TNC: variants seen among roughly 807,000 people sequenced by gnomAD.
The protein encoded by TNC is tenascin C.
Under a neutral mutation model 202.4 loss-of-function variants are expected in TNC, and 109 were observed. The ratio of observed to expected loss-of-function variants is 0.54; its 90% CI spans 0.46 to 0.63. The LOEUF (loss-of-function observed/expected upper bound fraction) is 0.63. Among genes scored for constraint, TNC ranks in the 30% least tolerant of loss-of-function variants. TNC has a pLI of 0.00. For synonymous variants in TNC, 1,007 were observed against 1,089.7 expected (o/e 0.92, Z 1.50); for missense variants, 2,756 against 2,833.3 (o/e 0.97, Z 0.62).
chr9:115,043,825 A>G (rs1043636333), intron 17 of TNC, among the ~76,000 whole-genome samples: 2 of 152,234 alleles, frequency 1.3e-5, no homozygotes, highest in African/African-American at 4.8e-5. Flanking sequence ...TACTCGCACT[A>G]TTGCTTTGAC....
In TNC at chr9:115,059,964, C is replaced by T. The variant is rs766470633; in HGVS notation, c.4072G>A (p.Val1358Ile). Residue 1358 changes from valine to isoleucine, a missense_variant, in exon 14 of 28, where the codon GTT (valine) becomes ATT (isoleucine). Coordinates refer to ENST00000350763, the MANE Select transcript of TNC (RefSeq NM_002160.4). The stretch of plus-strand genomic sequence containing the variant: ...TTGAGTCTGAGGCCATCCCAGCCAA[C>T]CTCAGACACGGCTAAATCTCCCAGC... ...PQLGDLAVSE[V>I]GWDGLRLNWT... 5.3e-5 allele frequency: 86 copies of T among 1,613,900 alleles called. No individual in the cohort carries two copies. Among genetic ancestry groups the T allele is most frequent in the Non-Finnish European group, 6.9e-5 (82 of 1,179,974 alleles).
At position 115,086,606 on chromosome 9, in the gene TNC, C is replaced by T. The variant is rs755707692; in HGVS notation, c.1125G>A (p.Lys375=). 2.5e-6 allele frequency: 4 copies of T among 1,614,090 alleles called. No individual in the cohort carries two copies. Among genetic ancestry groups the T allele is most frequent in the Non-Finnish European group, 2.5e-6 (3 of 1,180,032 alleles). ...GATTGTGACAGTCAGCAGGACACCT[C>T]TTCTCGCTGCAGTCCACACCGGCAA... ...EGFAGVDCSE[K]RCPADCHNRG... is the part of the protein sequence containing the mutation. The change falls in exon 3 of 28, where the codon AAG becomes AAA. Residue 375 remains lysine (K), a synonymous_variant. Transcript: ENST00000350763.
In TNC at chr9:115,048,264, A is replaced by G. The variant is rs777237616; in HGVS notation, c.4848T>C (p.Val1616=). Residue 1616 remains valine (V), a synonymous_variant, in exon 16 of 28, where the codon GTT becomes GTC. Transcript: ENST00000350763. The part of the protein sequence containing the change: ...HQTKPLRAEI[V]TEAEPEVDNL... ...GGCTCACTTGATTTGAAATACCTGT[A>G]ACAATCTCAGCCCTCAAGGGCTTGG... 8.1e-6 allele frequency: 13 copies of G among 1,613,194 alleles called. No individual in the cohort carries two copies. The South Asian group carries it at 1.3e-4, about 16-fold the overall frequency.
intron 13 of TNC, among the ~76,000 whole-genome samples, 159 bp downstream of exon 13, chr9:115,062,758 C>T (rs933895410): frequency 6.6e-6 from 1 of 151,608 alleles, no homozygotes; most frequent in Non-Finnish European, 1.5e-5. Flanking sequence ...GAATATTTAG[C>T]TAGTGAGGTG....
At chr9:115,031,706 A>G in intron 22 of TNC, 21 bp from the exon 23 acceptor site, 1 of 1,602,744 alleles carries the variant, frequency 6.2e-7, no homozygotes, top group Non-Finnish European at 8.5e-7. Context: ...AAGAAAAAGT[A>G]TAATGGCTTT....
At position 115,036,125 on chromosome 9, in the gene TNC, A is replaced by AG. The variant is rs1391143670; in HGVS notation, c.5628dup (p.Ser1877LeufsTer21). 1 of 1,613,966 alleles carries AG rather than the reference A, an allele frequency of 6.2e-7. No individual in the cohort carries two copies. The highest frequency in any genetic ancestry group is 8.5e-7 in the Non-Finnish European group (1 of 1,180,006). On this transcript the variant is annotated frameshift_variant, in exon 21 of 28. Coordinates refer to ENST00000350763, the MANE Select transcript of TNC (RefSeq NM_002160.4). LOFTEE classifies it high-confidence loss of function. ...GTTGTGAACTTGGCAGTGATGGTTG[A>AG]GCTCTTCTGGGGCCCTTTCTCTGCA...
chr9:115,091,335 A>G (rs1835217133), intron 1 of TNC, among the ~76,000 whole-genome samples, 181 bp from the exon 2 acceptor site: 1 of 152,234 alleles, frequency 6.6e-6, no homozygotes, highest in Admixed American at 6.5e-5. Context: ...ACTTGAAGGA[A>G]TGATTTCACT....
intron 6 of TNC, among the ~76,000 whole-genome samples, chr9:115,079,722 T>C (rs1834155630): frequency 6.6e-6 from 1 of 152,116 alleles, no homozygotes; most frequent in African/African-American, 2.4e-5. Flanking sequence ...CTTAAAGAAA[T>C]AGATTTTTCC....
rs753520738 is a variant in TNC, at chr9:115,064,692, T to C, written c.3442A>G (p.Ile1148Val). The C allele has an allele frequency of 7.4e-6, 12 of 1,614,084 alleles. 1 individual carries two copies. In the South Asian group the frequency reaches 1.2e-4, roughly 16 times the overall value. The change falls in exon 11 of 28, where the codon ATC becomes GTC. Residue 1148 changes from isoleucine to valine, a missense_variant. Around this residue, in one of 2 missense-constraint regions of TNC, gnomAD observed 2,559 missense variants for 2,546.0 expected, o/e 1.01. Coordinates refer to ENST00000350763, the MANE Select transcript of TNC (RefSeq NM_002160.4). Reference protein sequence around the residue: ...TPYTVSIYGVIQGYRTPVLSA... With the variant: ...TPYTVSIYGVVQGYRTPVLSA... ...AGCACTGGTGTTCTATAGCCCTGGA[T>C]CACCCCATAGATGGAGACTGTATAA... is the stretch of plus-strand genomic sequence containing the variant.
chr9:115,087,721 A>C (rs1834901988), intron 2 of TNC, among the ~76,000 whole-genome samples: 1 of 64,872 alleles, frequency 1.5e-5, no homozygotes. Flanking sequence ...TTTTTTTTTG[A>C]GACAGAGTCT....
At chr9:115,109,852 A>C (rs1836906173) in intron 1 of TNC, among the ~76,000 whole-genome samples, 1 of 152,208 alleles carries the variant, frequency 6.6e-6, no homozygotes, top group African/African-American at 2.4e-5. Context: ...AAACAACTTC[A>C]AGCTCTGGGC....
At chr9:115,094,814 CCT>C (rs56854577) in intron 1 of TNC, among the ~76,000 whole-genome samples, 9,395 of 66,326 alleles carry the variant, frequency 0.14, 779 homozygotes, top group East Asian at 0.34. Context: ...AGAACAAGTG[CCT>C]CTGTGTGTGT....
chr9:115,061,866 T>C (rs895905365), intron 13 of TNC, among the ~76,000 whole-genome samples: 2 of 152,236 alleles, frequency 1.3e-5, no homozygotes, highest in Admixed American at 1.3e-4. Flanking sequence ...AGGAATTGTT[T>C]TTCCTTCCCA....
intron 15 of TNC, 83 bp downstream of exon 15, chr9:115,057,070 A>G: frequency 6.7e-7 from 1 of 1,487,906 alleles, no homozygotes; most frequent in Non-Finnish European, 9.0e-7. Context: ...CTTGTACATC[A>G]ATGGGAGAGG....
chr9:115,047,240 C>CTTTT (rs397975455), intron 16 of TNC, among the ~76,000 whole-genome samples: 10 of 107,206 alleles, frequency 9.3e-5, no homozygotes, highest in East Asian at 2.8e-4. Context: ...CTACCCTTGA[C>CTTTT]TTTTTTTTTT....
chr9:115,103,077 T>C (rs760380704), intron 1 of TNC, among the ~76,000 whole-genome samples: 2 of 152,358 alleles, frequency 1.3e-5, no homozygotes, highest in South Asian at 4.1e-4. Context: ...AGTTATTCAG[T>C]GAGTATTTAC....
chr9:115,052,826 A>T, intron 15 of TNC: 2 of 702,724 alleles, frequency 2.8e-6, no homozygotes. Flanking sequence ...AGTGTTCTCC[A>T]CCAAGCCTGT....
At chr9:115,048,640 T>G (rs1213239022) in intron 15 of TNC, 108 bp from the exon 16 acceptor site, 1 of 1,131,492 alleles carries the variant, frequency 8.8e-7, no homozygotes, top group Non-Finnish European at 1.2e-6. Context: ...TCATTCAATT[T>G]GTGTTATATG....
Position 115,041,079 on chromosome 9 carries a change from G to T in TNC, c.5254C>A (p.Pro1752Thr). ...ITYVPITGGT[P>T]SMVTVDGTKT... ...GTTCCGTCCACAGTTACCATGGAGG[G>T]TGTACCTGGAACACAGTAAAAGCAA... Residue 1752 changes from proline (P) to threonine (T), a missense_variant, in exon 19 of 28, where the codon CCC (proline) becomes ACC (threonine). Around this residue, in one of 2 missense-constraint regions of TNC, gnomAD observed 2,559 missense variants for 2,546.0 expected, o/e 1.01. Coordinates refer to ENST00000350763, the MANE Select transcript of TNC (RefSeq NM_002160.4). The T allele has an allele frequency of 1.9e-6, 3 of 1,612,870 alleles. No homozygotes were observed. The highest frequency in any genetic ancestry group is 2.5e-6 in the Non-Finnish European group (3 of 1,179,332).
Sources: gnomAD v4.1 joint callset for allele counts (sites outside exome capture counted in the v4.1 genomes callset) on GRCh38, gnomAD v4.1.1 for gene constraint, gnomAD v4.1.1 regional missense constraint, MANE v1.5 for transcripts, NCBI Gene and HGNC (gene_info 2026-07-23, HGNC 2026-07-21) for gene names.